The following KALRN variants were observed in gnomAD, a reference collection of about 807,000 sequenced individuals.
The protein encoded by KALRN is kalirin RhoGEF kinase.
In KALRN, 70 loss-of-function variants were observed where a neutral mutation model predicts 353.7. The ratio of observed to expected loss-of-function variants is 0.20; its 90% CI spans 0.16 to 0.24. KALRN has a LOEUF of 0.24. Among genes scored for constraint, KALRN ranks in the 10% least tolerant of loss-of-function variants. The probability of loss-of-function intolerance (pLI) is 1.00; values close to 1 mark genes in which losing one functional copy is unlikely to be tolerated. For missense variants in KALRN, 2,791 were observed against 3,756.7 expected (o/e 0.74, Z 6.72); for synonymous variants, 1,391 against 1,434.8 (o/e 0.97, Z 0.69).
intron 34 of KALRN, among the ~76,000 whole-genome samples, chr3:124,594,464 T>C (rs2076088629): frequency 6.6e-6 from 1 of 152,210 alleles, no homozygotes; most frequent in South Asian, 2.1e-4. Context: ...GACCTTGTGA[T>C]CCGCCTGCCT....
rs58028173 is a variant in KALRN at position 124,164,014 on chromosome 3, C to T, written c.74-63976C>T. 7.9e-3 allele frequency: 7,770 copies of T among 979,202 alleles called. 374 individuals carry two copies. The African/African-American group carries it at 0.12, about 15-fold the overall frequency. The allele number at this position is 979,202 out of a possible 1,614,324, so 60.7% of individuals were successfully genotyped here. On this transcript the variant is annotated intron_variant, in intron 1 of 59. Transcript: ENST00000682506. ...CAAGAAGCATTGTGTTTTGGATTTA[C>T]TGCAGAACTCACACACTTAACTGTA...
At chr3:124,397,345 C>T (rs998158176) in intron 12 of KALRN, among the ~76,000 whole-genome samples, 2 of 152,130 alleles carry the variant, frequency 1.3e-5, no homozygotes, top group South Asian at 2.1e-4. Flanking sequence ...GCCCTGTGAC[C>T]GGTAGACGGA....
chr3:124,091,737 C>T (rs1233713549), intron 1 of KALRN, among the ~76,000 whole-genome samples: 1 of 151,956 alleles, frequency 6.6e-6, no homozygotes, highest in East Asian at 1.9e-4. Flanking sequence ...GGAGGAAACA[C>T]GTGAATGGGA....
intron 1 of KALRN, among the ~76,000 whole-genome samples, chr3:124,174,299 T>G (rs942629636): frequency 6.6e-6 from 1 of 151,902 alleles, no homozygotes; most frequent in Non-Finnish European, 1.5e-5. Context: ...CTGGCCCTGG[T>G]GGTGTGTGCC....
At chr3:124,398,960 A>G in intron 13 of KALRN, 89 bp downstream of exon 13, 1 of 1,323,178 alleles carries the variant, frequency 7.6e-7, no homozygotes, top group South Asian at 1.5e-5. Context: ...CAGTAGCCTA[A>G]GGAAATTAGA....
In KALRN at chr3:124,524,855, A is replaced by G. The variant is rs758019660; in HGVS notation, c.4935+28442A>G. 1.3e-4 allele frequency among the ~76,000 whole-genome samples: 20 copies of G among 152,220 alleles called. 1 individual carries two copies. The highest frequency in any genetic ancestry group is 1.5e-5 in the Non-Finnish European group (1 of 68,042). ...AAAACCAAAAGTGCAGTCAGAGTTA[A>G]AGATAAGATTGTTAGGTGACCACAC... On this transcript the variant is annotated intron_variant, in intron 33 of 59. Coordinates refer to ENST00000682506, the MANE Select transcript of KALRN (RefSeq NM_001388419.1).
chr3:124,325,970 T>A lies in KALRN; in HGVS notation c.1093-10T>A. 4 of 1,609,824 alleles carry A rather than the reference T, an allele frequency of 2.5e-6. No individual in the cohort carries two copies. Among genetic ancestry groups the A allele is most frequent in the Non-Finnish European group, 3.4e-6 (4 of 1,177,506 alleles). On this transcript the variant is annotated splice_polypyrimidine_tract_variant and intron_variant, in intron 6 of 59. Coordinates refer to ENST00000682506, the MANE Select transcript of KALRN (RefSeq NM_001388419.1). ...GCCTGCCCCACTGAGCACTCTCCTT[T>A]TCTTTCCAGAATGCCTATGTCAACA...
chr3:124,326,008 T>G lies in KALRN; in HGVS notation c.1121T>G (p.Met374Arg). The change falls in exon 7 of 60, where the codon ATG (methionine) becomes AGG (arginine). Residue 374 changes from methionine to arginine, a missense_variant. Around this residue, in one of 11 missense-constraint regions of KALRN, gnomAD observed 366 missense variants for 489.2 expected, o/e 0.75. Transcript: ENST00000682506. ...GCCTATGTCAACATCAACCGCATCA[T>G]GTCCGTGGCTTCCCGCCTCTCTGAG... ...MNAYVNINRIMSVASRLSEAG... is the reference protein window; with the variant it reads ...MNAYVNINRIRSVASRLSEAG... 1 of 1,613,408 alleles carries G rather than the reference T, an allele frequency of 6.2e-7. No homozygotes were observed. Among genetic ancestry groups the G allele is most frequent in the Non-Finnish European group, 8.5e-7 (1 of 1,179,628 alleles).
intron 33 of KALRN, among the ~76,000 whole-genome samples, chr3:124,545,864 A>C (rs2069577325): frequency 6.6e-6 from 1 of 152,124 alleles, no homozygotes; most frequent in African/African-American, 2.4e-5. Flanking sequence ...AACCGTCTTA[A>C]CTCTGAAATC....
At chr3:124,228,963 A>G (rs1315744092) in intron 2 of KALRN, among the ~76,000 whole-genome samples, 1 of 152,066 alleles carries the variant, frequency 6.6e-6, no homozygotes, top group African/African-American at 2.4e-5. Context: ...CATCTGTGTC[A>G]AATCTTTCTC....
chr3:124,547,145 T>C (rs2069777935), intron 33 of KALRN, among the ~76,000 whole-genome samples: 1 of 152,054 alleles, frequency 6.6e-6, no homozygotes. Flanking sequence ...TTTTAATTTA[T>C]TTTAATTTAT....
At chr3:124,493,353 C>A (rs558705247) in intron 32 of KALRN, among the ~76,000 whole-genome samples, 5 of 152,252 alleles carry the variant, frequency 3.3e-5, no homozygotes, top group Admixed American at 1.3e-4. Flanking sequence ...CTTACTGCAA[C>A]CCCCACAGAG....
chr3:124,609,526 T>C (rs555060456), intron 34 of KALRN, among the ~76,000 whole-genome samples: 1 of 152,272 alleles, frequency 6.6e-6, no homozygotes, highest in African/African-American at 2.4e-5. Flanking sequence ...TGATGAGTAG[T>C]AGGTTATAAA....
At chr3:124,427,265 A>T (rs189533770) in intron 15 of KALRN, among the ~76,000 whole-genome samples, 88 of 152,360 alleles carry the variant, frequency 5.8e-4, no homozygotes, top group South Asian at 2.1e-3. Context: ...ATGAAGGATG[A>T]ACATGTGCAG....
Position 124,563,107 on chromosome 3 carries a change from G to A in KALRN, c.5182+18G>A. 2 of 1,363,332 alleles carry A rather than the reference G, an allele frequency of 1.5e-6. No homozygotes were observed. Among genetic ancestry groups the A allele is most frequent in the African/African-American group, 1.5e-5 (1 of 67,818 alleles). 84.5% of individuals were successfully genotyped at this position (1,363,332 alleles called of 1,614,324 possible). A position where few individuals can be genotyped will look rare whatever the true frequency, so the allele number is the denominator to read the frequency against. On this transcript the variant is annotated intron_variant, in intron 34 of 59. Coordinates refer to ENST00000682506, the MANE Select transcript of KALRN (RefSeq NM_001388419.1). The stretch of plus-strand genomic sequence containing the variant: ...GGTGAAAGGTAGGAGAACAGAGCGG[G>A]TGGGAGGCACAGACCAAGGAGGCCA...
intron 31 of KALRN, chr3:124,491,680 C>A (rs2063173033): frequency 3.0e-6 from 1 of 336,056 alleles, no homozygotes; most frequent in African/African-American, 2.1e-5. Flanking sequence ...GCTTGTGGGA[C>A]CAGCTCAGCA....
At chr3:124,181,833 G>A (rs927615740) in intron 1 of KALRN, among the ~76,000 whole-genome samples, 6 of 152,182 alleles carry the variant, frequency 3.9e-5, no homozygotes, top group Admixed American at 3.9e-4. Flanking sequence ...TGATGGGGAA[G>A]GAGGAAACAG....
chr3:124,603,213 G>T (rs1440847675), intron 34 of KALRN, among the ~76,000 whole-genome samples: 1 of 152,110 alleles, frequency 6.6e-6, no homozygotes, highest in African/African-American at 2.4e-5. Flanking sequence ...GCCAGCATCT[G>T]ACTGTGATTA....
rs1476520335 is a variant in KALRN, at chr3:124,120,739, TA to T, written c.73+86927del. 7.8e-5 allele frequency among the ~76,000 whole-genome samples: 11 copies of T among 140,236 alleles called. No homozygotes were observed. In the South Asian group the frequency reaches 1.4e-3, roughly 17 times the overall value. 92.0% of individuals were successfully genotyped at this position (140,236 alleles called of 152,430 possible). On this transcript the variant is annotated intron_variant, in intron 1 of 59. Transcript: ENST00000682506. ...ATATATATATATATATATATATATA[TA>T]TATATTTTCACATAATTAGCTAACT...
Sources: allele counts gnomAD v4.1 joint callset (sites outside exome capture counted in the v4.1 genomes callset), GRCh38; gene constraint gnomAD v4.1.1; regional missense constraint gnomAD v4.1.1; transcripts MANE v1.5; gene names NCBI Gene and HGNC (gene_info 2026-07-23, HGNC 2026-07-21).